VSTM2B: variants seen among roughly 807,000 people sequenced by gnomAD.
The protein encoded by VSTM2B is V-set and transmembrane domain containing 2B.
VSTM2B carries 24 observed loss-of-function variants against 24.0 expected under a neutral mutation model. That is an observed-to-expected ratio of 1.00 (90% CI 0.72 to 1.40). VSTM2B has a LOEUF of 1.40. Among genes scored for constraint, VSTM2B ranks in the 40% most tolerant of loss-of-function variants. VSTM2B has a pLI of 0.00. For missense variants in VSTM2B, 399 were observed against 416.4 expected, an observed-to-expected ratio of 0.96 and a Z score of 0.36; for synonymous variants, 226 against 194.4, an observed-to-expected ratio of 1.16 and a Z score of -1.35.
intron 4 of VSTM2B, among the ~76,000 whole-genome samples, chr19:29,550,348 T>A (rs934607681): frequency 6.6e-6 from 1 of 152,176 alleles, no homozygotes; most frequent in Non-Finnish European, 1.5e-5. Context: ...GGCAGGAGAA[T>A]CACTTGAGCC....
chr19:29,537,724 C>CCCACCTACTCTCCCGCAG (rs1969924305), intron 4 of VSTM2B, among the ~76,000 whole-genome samples: 1 of 150,698 alleles, frequency 6.6e-6, no homozygotes, highest in Non-Finnish European at 1.5e-5. Flanking sequence ...CTCTCCCGCA[C>CCCACCTACTCTCCCGCAG]CCACCTACTC....
At position 29,529,959 on chromosome 19, in the gene VSTM2B, G is replaced by A. The variant is rs1969693608; in HGVS notation, c.438G>A (p.Leu146=). The change falls in exon 4 of 5, where the codon CTG becomes CTA. Residue 146 remains leucine, a synonymous_variant. Coordinates refer to ENST00000335523, the MANE Select transcript of VSTM2B (RefSeq NM_001146339.2). Reference sequence around the variant, plus strand: ...AGGAGCACAAGGCCCAGGCGATGCTGCGCGTGCTCTCGCGCTTCGCGCCGC... The same window carrying A: ...AGGAGCACAAGGCCCAGGCGATGCTACGCGTGCTCTCGCGCTTCGCGCCGC... ...DTQEHKAQAM[L]RVLSRFAPPN... 1.3e-6 allele frequency: 2 copies of A among 1,548,534 alleles called. No individual in the cohort carries two copies. Among genetic ancestry groups the A allele is most frequent in the Non-Finnish European group, 1.7e-6 (2 of 1,146,668 alleles).
rs1599917034 is a variant in VSTM2B, at chr19:29,564,212, T to C, written c.*278T>C. 1 of 324,070 alleles carries C rather than the reference T, an allele frequency of 3.1e-6. No homozygotes were observed. The highest frequency in any genetic ancestry group is 5.8e-6 in the Non-Finnish European group (1 of 173,348). The allele number at this position is 324,070 out of a possible 1,614,324, so 20.1% of individuals were successfully genotyped here. On this transcript the variant is annotated 3_prime_UTR_variant, in exon 5 of 5. Coordinates refer to ENST00000335523, the MANE Select transcript of VSTM2B (RefSeq NM_001146339.2). Reference sequence around the variant, plus strand: ...GTAGTTTTCTTTTCTACACTTTCCCTCCAAGTCTTCATTTTGCACGAACTG... The same window carrying C: ...GTAGTTTTCTTTTCTACACTTTCCCCCCAAGTCTTCATTTTGCACGAACTG...
Position 29,530,021 on chromosome 19 carries a change from A to G in VSTM2B, c.500A>G (p.Gln167Arg), listed in dbSNP as rs1969696833. 1.4e-5 allele frequency: 22 copies of G among 1,533,240 alleles called. No homozygotes were observed. Among genetic ancestry groups the G allele is most frequent in the Non-Finnish European group, 1.9e-5 (22 of 1,144,132 alleles). 95.0% of individuals were successfully genotyped at this position (1,533,240 alleles called of 1,614,324 possible). A position where few individuals can be genotyped will look rare whatever the true frequency, so the allele number is the denominator to read the frequency against. ...GCCGCCGAGGCCGTGTCCCACATCC[A>G]GAGCAGCGGCCCGCGTCGCCACGGC... The part of the protein sequence containing the change: ...MQAAEAVSHI[Q>R]SSGPRRHGPA... Residue 167 changes from glutamine (Q) to arginine (R), a missense_variant, in exon 4 of 5, where the codon CAG becomes CGG. Transcript: ENST00000335523.
chr19:29,549,285 A>C (rs940901385), intron 4 of VSTM2B, among the ~76,000 whole-genome samples: 2 of 152,096 alleles, frequency 1.3e-5, no homozygotes, highest in Non-Finnish European at 2.9e-5. Context: ...GAAATCAGGG[A>C]GTGGGGCAGG....
intron 4 of VSTM2B, among the ~76,000 whole-genome samples, chr19:29,554,742 A>C (rs1970369782): frequency 6.6e-6 from 1 of 152,240 alleles, no homozygotes; most frequent in Non-Finnish European, 1.5e-5. Context: ...GCAAATGGAA[A>C]GCAGAAAAAA....
chr19:29,543,922 G>T (rs2145488953), intron 4 of VSTM2B, among the ~76,000 whole-genome samples: 1 of 152,256 alleles, frequency 6.6e-6, no homozygotes, highest in South Asian at 2.1e-4. Context: ...CTCTTAGAGA[G>T]CCTAGTGTGA....
intron 4 of VSTM2B, among the ~76,000 whole-genome samples, chr19:29,535,447 G>A (rs893411207): frequency 2.6e-5 from 4 of 152,202 alleles, no homozygotes; most frequent in Admixed American, 1.3e-4. Context: ...TGGCTCCAAG[G>A]AAAGGCACCA....
At position 29,529,799 on chromosome 19, in the gene VSTM2B, C is replaced by G. The variant is rs1471956296; in HGVS notation, c.298-20C>G. On this transcript the variant is annotated intron_variant, in intron 3 of 4. Transcript: ENST00000335523. ...GTTTGGGAGCTGCCCAGCCCGGCCT[C>G]TAACCCTGCTCTCTTGCAGACCGTA... The G allele has an allele frequency of 1.3e-6, 2 of 1,546,428 alleles. No individual in the cohort carries two copies. Among genetic ancestry groups the G allele is most frequent in the Admixed American group, 2.0e-5 (1 of 50,574 alleles).
chr19:29,547,134 T>C (rs992533192), intron 4 of VSTM2B, among the ~76,000 whole-genome samples: 2 of 152,222 alleles, frequency 1.3e-5, no homozygotes, highest in African/African-American at 4.8e-5. Flanking sequence ...GACCCCCCGT[T>C]AAATTTGAAT....
At chr19:29,546,456 G>GA (rs148371796) in intron 4 of VSTM2B, among the ~76,000 whole-genome samples, 10,755 of 152,304 alleles carry the variant, frequency 0.071, 468 homozygotes, top group African/African-American at 0.11. Flanking sequence ...CCTCACCTAT[G>GA]AACGGGAAAG....
chr19:29,532,941 G>A (rs899839205), intron 4 of VSTM2B, among the ~76,000 whole-genome samples: 2 of 152,116 alleles, frequency 1.3e-5, no homozygotes, highest in African/African-American at 2.4e-5. Context: ...GGTCATGAGC[G>A]CACTCCTGCT....
chr19:29,545,211 A>G (rs1970123283), intron 4 of VSTM2B, among the ~76,000 whole-genome samples: 1 of 152,102 alleles, frequency 6.6e-6, no homozygotes, highest in South Asian at 2.1e-4. Context: ...GGAGGCAGGC[A>G]GGGGTGCGGG....
chr19:29,528,414 C>T lies in VSTM2B; in HGVS notation c.268-19C>T. 1 of 1,551,250 alleles carries T rather than the reference C, an allele frequency of 6.4e-7. No individual in the cohort carries two copies. Among genetic ancestry groups the T allele is most frequent in the Non-Finnish European group, 8.7e-7 (1 of 1,146,972 alleles). On this transcript the variant is annotated intron_variant, in intron 2 of 4. Coordinates refer to ENST00000335523, the MANE Select transcript of VSTM2B (RefSeq NM_001146339.2). ...AAGGCCGCGAGCCTCACGTCTCTCT[C>T]TCCCTCTTTGCATTTTAGGTAACAA...
chr19:29,562,866 G>A (rs1257692598), intron 4 of VSTM2B, among the ~76,000 whole-genome samples: 1 of 152,158 alleles, frequency 6.6e-6, no homozygotes, highest in African/African-American at 2.4e-5. Flanking sequence ...AGCATCCATG[G>A]CAGGCCAGGG....
At position 29,529,822 on chromosome 19, in the gene VSTM2B, G is replaced by A. The variant is rs369065882; in HGVS notation, c.301G>A (p.Val101Ile). ...CTCTAACCCTGCTCTCTTGCAGACC[G>A]TACGCGTCCAGGGCAATGACATCTC... Reference protein sequence around the residue: ...TNKDATKISTVRVQGNDISHR... With the variant: ...TNKDATKISTIRVQGNDISHR... The change falls in exon 4 of 5, where the codon GTA becomes ATA. Residue 101 changes from valine to isoleucine, a missense_variant. Val to Ile is a conservative substitution (Grantham distance 29). Coordinates refer to ENST00000335523, the MANE Select transcript of VSTM2B (RefSeq NM_001146339.2). 2.6e-6 allele frequency: 4 copies of A among 1,549,154 alleles called. No individual in the cohort carries two copies. The highest frequency in any genetic ancestry group is 2.6e-6 in the Non-Finnish European group (3 of 1,146,302).
chr19:29,561,494 G>A (rs1351181041), intron 4 of VSTM2B, among the ~76,000 whole-genome samples: 1 of 150,406 alleles, frequency 6.6e-6, no homozygotes, highest in Non-Finnish European at 1.5e-5. Context: ...GCTTGGTGTG[G>A]GGTGCCTGTA....
chr19:29,547,318 C>T (rs1232304515), intron 4 of VSTM2B, among the ~76,000 whole-genome samples: 2 of 152,158 alleles, frequency 1.3e-5, no homozygotes, highest in South Asian at 4.1e-4. Flanking sequence ...CTCCCTGGAC[C>T]TCAGTTTCCC....
chr19:29,531,723 G>A (rs543158407), intron 4 of VSTM2B, among the ~76,000 whole-genome samples: 1 of 152,364 alleles, frequency 6.6e-6, no homozygotes, highest in Non-Finnish European at 1.5e-5. Flanking sequence ...AGCCTCCACA[G>A]CCCAGCTGGG....
Sources: allele counts gnomAD v4.1 joint callset (sites outside exome capture counted in the v4.1 genomes callset), GRCh38; gene constraint gnomAD v4.1.1; transcripts MANE v1.5; gene names NCBI Gene and HGNC (gene_info 2026-07-23, HGNC 2026-07-21).